The following ACSM3 variants were observed in gnomAD, a reference collection of about 807,000 sequenced individuals.
ACSM3 encodes acyl-CoA synthetase medium chain family member 3, also known as acyl-coenzyme A synthetase ACSM3, mitochondrial.
ACSM3 carries 61 observed loss-of-function variants against 74.1 expected under a neutral mutation model. That is an observed-to-expected ratio of 0.82 (90% CI 0.67 to 1.02). ACSM3 has a LOEUF of 1.02. Ranked by LOEUF, ACSM3 falls within the 50% of genes least tolerant of loss-of-function variation. The pLI, the probability that ACSM3 is intolerant of heterozygous loss-of-function variation, is 0.00. For synonymous variants in ACSM3, 213 were observed against 241.5 expected (o/e 0.88, Z 1.09); for missense variants, 660 against 697.0 (o/e 0.95, Z 0.60).
chr16:20,763,554 A>T (rs1198300138), upstream of ACSM3: 2 of 152,228 alleles, frequency 1.3e-5, no homozygotes, highest in Non-Finnish European at 2.9e-5. Flanking sequence ...AAGGACTCGG[A>T]TTTTACCTGG....
intron 1 of ACSM3, chr16:20,741,460 T>TC: frequency 6.8e-7 from 1 of 1,473,952 alleles, no homozygotes; most frequent in South Asian, 1.4e-5. Flanking sequence ...CCTTCCCTCC[T>TC]CCCGCAAGGC....
At chr16:20,724,081 T>C (rs1212167389) in intron 1 of ACSM3, among the ~76,000 whole-genome samples, 2 of 152,156 alleles carry the variant, frequency 1.3e-5, no homozygotes, top group Non-Finnish European at 1.5e-5. Context: ...AGGGATCCAG[T>C]TTCAGCTTTC....
At chr16:20,786,053 C>T in intron 8 of ACSM3, 25 bp from the exon 9 acceptor site, 1 of 1,436,590 alleles carries the variant, frequency 7.0e-7, no homozygotes. Flanking sequence ...GTAATGTTAT[C>T]TTACTTTTTC....
chr16:20,694,759 A>G (rs1224449440), intron 1 of ACSM3, among the ~76,000 whole-genome samples: 1 of 152,216 alleles, frequency 6.6e-6, no homozygotes, highest in Admixed American at 6.5e-5. Context: ...AATATTTCAG[A>G]ACACCACTGT....
chr16:20,726,468 C>A (rs1004200212), intron 1 of ACSM3, among the ~76,000 whole-genome samples: 1 of 152,214 alleles, frequency 6.6e-6, no homozygotes, highest in Non-Finnish European at 1.5e-5. Flanking sequence ...TCAGTGTCAA[C>A]GCCTTTGGTC....
intron 1 of ACSM3, chr16:20,711,646 C>A: frequency 1.2e-6 from 1 of 815,250 alleles, no homozygotes; most frequent in Non-Finnish European, 2.0e-6. Flanking sequence ...TCCACAAAGC[C>A]GGAACAGGTG....
At chr16:20,698,611 T>A (rs2079703024) in intron 1 of ACSM3, among the ~76,000 whole-genome samples, 1 of 152,112 alleles carries the variant, frequency 6.6e-6, no homozygotes, top group South Asian at 2.1e-4. Context: ...CAGGTTTAAT[T>A]GAGTCTCTTG....
chr16:20,756,541 G>A (rs2080033148), intron 3 of ACSM3, among the ~76,000 whole-genome samples: 1 of 152,144 alleles, frequency 6.6e-6, no homozygotes, highest in African/African-American at 2.4e-5. Flanking sequence ...TTAGCCCTTT[G>A]TCAGATGAGT....
intron 9 of ACSM3, among the ~76,000 whole-genome samples, chr16:20,786,610 G>A (rs950261713): frequency 3.3e-4 from 50 of 152,190 alleles, no homozygotes; most frequent in African/African-American, 1.2e-3. Flanking sequence ...TTGAGCCTGG[G>A]AGCTTGGGGC....
intron 2 of ACSM3, among the ~76,000 whole-genome samples, chr16:20,752,554 C>G (rs891692381): frequency 2.4e-4 from 36 of 152,236 alleles, no homozygotes; most frequent in African/African-American, 8.2e-4. Context: ...AAGAATTATT[C>G]CAATCACTTA....
chr16:20,758,547 G>T (rs1280923108), intron 3 of ACSM3, among the ~76,000 whole-genome samples: 1 of 151,970 alleles, frequency 6.6e-6, no homozygotes, highest in Non-Finnish European at 1.5e-5. Context: ...CTTGCTAGCG[G>T]TCTATCAATT....
chr16:20,796,453 TA>T lies in ACSM3; in HGVS notation c.1645del (p.Thr549LeufsTer11). 1 of 1,613,744 alleles carries T rather than the reference TA, an allele frequency of 6.2e-7. No homozygotes were observed. The highest frequency in any genetic ancestry group is 8.5e-7 in the Non-Finnish European group (1 of 1,179,916). On this transcript the variant is annotated frameshift_variant, in exon 13 of 14. Transcript: ENST00000289416. LOFTEE classifies it high-confidence loss of function. ...TAATAAAGGAGATTCAGGAGCATGTTAAAAAAACTACAGCACCTTACAAATA... is the reference window on the plus strand; with the variant it reads ...TAATAAAGGAGATTCAGGAGCATGTTAAAAAACTACAGCACCTTACAAATA... ...QLIKEIQEHVKKTTAPYKYPR... is the reference protein window; with the variant it reads ...QLIKEIQEHVXKTTAPYKYPR...
chr16:20,775,371 T>A (rs115378764), intron 2 of ACSM3, among the ~76,000 whole-genome samples: 30 of 152,248 alleles, frequency 2.0e-4, no homozygotes, highest in African/African-American at 7.2e-4. Context: ...GCTCAGGGCA[T>A]GTGAGGGCTG....
chr16:20,726,055 C>G (rs192557207), intron 1 of ACSM3, among the ~76,000 whole-genome samples: 1 of 152,210 alleles, frequency 6.6e-6, no homozygotes, highest in East Asian at 1.9e-4. Flanking sequence ...ACCGGAATAT[C>G]CTCTAGGACA....
At chr16:20,708,617 A>C (rs1370994878) in intron 1 of ACSM3, among the ~76,000 whole-genome samples, 2 of 152,018 alleles carry the variant, frequency 1.3e-5, no homozygotes, top group East Asian at 1.9e-4. Flanking sequence ...AAATTGAAGA[A>C]GACACAAATA....
intron 7 of ACSM3, among the ~76,000 whole-genome samples, chr16:20,783,000 A>T (rs1307765761): frequency 6.6e-6 from 1 of 152,134 alleles, no homozygotes; most frequent in African/African-American, 2.4e-5. Flanking sequence ...AGGCTCCATT[A>T]TGTAGGCATG....
intron 1 of ACSM3, among the ~76,000 whole-genome samples, chr16:20,683,071 T>A (rs2079478484): frequency 6.6e-6 from 1 of 152,084 alleles, no homozygotes; most frequent in Non-Finnish European, 1.5e-5. Context: ...TTTGCTTAGT[T>A]CCATAAACAT....
chr16:20,768,967 C>T (rs1180662049), intron 1 of ACSM3, among the ~76,000 whole-genome samples: 2 of 152,154 alleles, frequency 1.3e-5, no homozygotes, highest in Non-Finnish European at 2.9e-5. Flanking sequence ...TGCCCAAACA[C>T]CAGGTCTGCT....
intron 2 of ACSM3, among the ~76,000 whole-genome samples, chr16:20,755,052 C>T (rs2080018262): frequency 6.6e-6 from 1 of 152,120 alleles, no homozygotes; most frequent in Non-Finnish European, 1.5e-5. Flanking sequence ...GGAGCTGGAA[C>T]TCTAGTCCCC....
Sources: gnomAD v4.1 joint callset for allele counts (sites outside exome capture counted in the v4.1 genomes callset) on GRCh38, gnomAD v4.1.1 for gene constraint, MANE v1.5 for transcripts, NCBI Gene and HGNC (gene_info 2026-07-23, HGNC 2026-07-21) for gene names.